Variants in DOCK6 observed in about 807,000 individuals in gnomAD.
DOCK6 encodes dedicator of cytokinesis protein 6.
Under a neutral mutation model 230.3 loss-of-function variants are expected in DOCK6, and 167 were observed. The ratio of observed to expected loss-of-function variants is 0.73; its 90% CI spans 0.64 to 0.82. The LOEUF is 0.82. DOCK6 is among the 40% of genes least tolerant of loss of function. The probability of loss-of-function intolerance (pLI) is 0.00; values close to 1 mark genes in which losing one functional copy is unlikely to be tolerated. For synonymous variants in DOCK6, 1,148 were observed against 1,185.0 expected, an observed-to-expected ratio of 0.97 and a Z score of 0.64; for missense variants, 2,598 against 2,825.8, an observed-to-expected ratio of 0.92 and a Z score of 1.83.
chr19:11,252,132 C>A lies in DOCK6; in HGVS notation c.494G>T (p.Gly165Val). Residue 165 changes from glycine to valine, a missense_variant, in exon 5 of 48, where the codon GGC becomes GTC. Coordinates refer to ENST00000294618, the MANE Select transcript of DOCK6 (RefSeq NM_020812.4). Reference sequence around the variant, plus strand: ...GGGCTTCCTCACCGAGTCCTCAGGGCCGGACCTCTCGTCTCCAGAAGCATC... The same window carrying A: ...GGGCTTCCTCACCGAGTCCTCAGGGACGGACCTCTCGTCTCCAGAAGCATC... ...EQDASGDERSGPEDSNDSRRG... is the reference protein window; with the variant it reads ...EQDASGDERSVPEDSNDSRRG... 9 of 1,589,390 alleles carry A rather than the reference C, an allele frequency of 5.7e-6. No homozygotes were observed. The highest frequency in any genetic ancestry group is 7.7e-6 in the Non-Finnish European group (9 of 1,168,526).
At chr19:11,251,257 TTC>T (rs2080114063) in intron 5 of DOCK6, 171 bp from the exon 6 acceptor site, 3 of 654,524 alleles carry the variant, frequency 4.6e-6, no homozygotes, top group Non-Finnish European at 7.7e-6. Flanking sequence ...TTCCAGAAAC[TTC>T]TGTCTGGAGA....
chr19:11,253,070 G>GCCATGGAGGGTGTTGGAGTTA (rs2080144658), intron 2 of DOCK6, 112 bp from the exon 3 acceptor site: 1 of 1,067,626 alleles, frequency 9.4e-7, no homozygotes, highest in Non-Finnish European at 1.3e-6. Flanking sequence ...GGCGGTGGGA[G>GCCATGGAGGGTGTTGGAGTTA]CCATGGAGGG....
Position 11,208,965 on chromosome 19 carries a change from G to T in DOCK6, c.4890C>A (p.Tyr1630Ter). Residue 1630 changes from tyrosine (Y) to a stop codon, truncating the protein, a stop_gained, in exon 38 of 48, where the codon TAC (tyrosine) becomes TAA (stop). Coordinates refer to ENST00000294618, the MANE Select transcript of DOCK6 (RefSeq NM_020812.4). LOFTEE classifies it high-confidence loss of function. ...GGCGGTGGTCCTCGAGCAGGGCGAG[G>T]TACTCAGCCACGAGGGCGGCCGCGT... ...MVHAAALVAE[Y>*]LALLEDHRHL... 2 of 1,605,962 alleles carry T rather than the reference G, an allele frequency of 1.2e-6. No individual in the cohort carries two copies. Among genetic ancestry groups the T allele is most frequent in the Non-Finnish European group, 1.7e-6 (2 of 1,174,754 alleles).
Position 11,201,562 on chromosome 19 carries a change from G to A in DOCK6, c.5688+327C>T, listed in dbSNP as rs35248735. ...CCATATCTTCTCAGCCCAGTTCTGG[G>A]GTACCTGGGCCTCTTCCTGGGCCAC... On this transcript the variant is annotated intron_variant, in intron 44 of 47. Transcript: ENST00000294618. This position sits in a 1 kb window ranked among gnomAD's most constrained non-coding sequence, Gnocchi z 4.3. Among the ~76,000 whole-genome samples the A allele has an allele frequency of 0.42, 63,844 of 151,302 alleles. 13,530 individuals are homozygous for A. The highest frequency in any genetic ancestry group is 0.49 in the South Asian group (2,329 of 4,788).
chr19:11,224,466 C>T (rs2079633172), intron 24 of DOCK6, among the ~76,000 whole-genome samples: 1 of 152,016 alleles, frequency 6.6e-6, no homozygotes, highest in African/African-American at 2.4e-5. Flanking sequence ...CCTCCTCGGC[C>T]TCCTAAAGTG....
rs1568234081 is a variant in DOCK6 at position 11,222,179 on chromosome 19, GGAAT to G, written c.3306_3309del (p.Phe1103GlyfsTer6). ...AGCCCAGCTAGGAAGTGCTGCTGCC[GGAAT>G]GGTCCACTCAGTTCGAACATGCTGG... On this transcript the variant is annotated frameshift_variant, in exon 27 of 48. Coordinates refer to ENST00000294618, the MANE Select transcript of DOCK6 (RefSeq NM_020812.4). LOFTEE classifies it high-confidence loss of function. This position sits in a 1 kb window ranked among gnomAD's most constrained non-coding sequence, Gnocchi z 4.0. 5 of 1,609,286 alleles carry G rather than the reference GGAAT, an allele frequency of 3.1e-6. No individual in the cohort carries two copies. The highest frequency in any genetic ancestry group is 4.2e-6 in the Non-Finnish European group (5 of 1,178,002).
intron 24 of DOCK6, 138 bp from the exon 25 acceptor site, chr19:11,223,244 T>C: frequency 1.3e-6 from 1 of 751,824 alleles, no homozygotes; most frequent in Non-Finnish European, 2.1e-6. Flanking sequence ...GTGGTGACTC[T>C]GGGACTTCCT....
In DOCK6 at chr19:11,202,505, G is replaced by A. The variant is rs771712591; in HGVS notation, c.5362-22C>T. On this transcript the variant is annotated intron_variant, in intron 42 of 47. Transcript: ENST00000294618. This position sits in a 1 kb window ranked among gnomAD's most constrained non-coding sequence, Gnocchi z 5.3. ...ACTCCTGGAGACACAGGGCTGACTC[G>A]GGGCCACCCAGGGACAGCCCCTACT... 3 of 1,611,386 alleles carry A rather than the reference G, an allele frequency of 1.9e-6. No homozygotes were observed. Among genetic ancestry groups the A allele is most frequent in the East Asian group, 2.2e-5 (1 of 44,720 alleles).
chr19:11,248,181 G>A (rs780393724), intron 6 of DOCK6, 30 bp from the exon 7 acceptor site: 16 of 1,506,380 alleles, frequency 1.1e-5, no homozygotes, highest in East Asian at 2.3e-5. Context: ...GGAGCTGGGC[G>A]GGAGGAGCTG....
rs374225403 is a variant in DOCK6 at position 11,214,269 on chromosome 19, G to A, written c.4338+6C>T. 3.1e-5 allele frequency: 50 copies of A among 1,604,808 alleles called. No homozygotes were observed. In the African/African-American group the frequency reaches 6.4e-4, roughly 21 times the overall value. ...CTAAGAATCATGGTTGTTGAGTGGT[G>A]CTCACCTTGGACACAAGGGCCCTCT... On this transcript the variant is annotated splice_donor_region_variant and intron_variant, in intron 34 of 47. Coordinates refer to ENST00000294618, the MANE Select transcript of DOCK6 (RefSeq NM_020812.4).
At position 11,212,096 on chromosome 19, in the gene DOCK6, G is replaced by A. The variant is rs181639639; in HGVS notation, c.4547C>T (p.Thr1516Met). 217 of 1,612,236 alleles carry A rather than the reference G, an allele frequency of 1.3e-4. 1 individual carries two copies. The East Asian group carries it at 2.3e-3, about 17-fold the overall frequency. ...GTGCTCTTCACTGAAGTTCTGCGTCGTCCCCACCAGGGACGAGAGAGACAT... is the reference window on the plus strand; with the variant it reads ...GTGCTCTTCACTGAAGTTCTGCGTCATCCCCACCAGGGACGAGAGAGACAT... ...VTMSLSSLVGTTQNFSEEHLR... is the reference protein window; with the variant it reads ...VTMSLSSLVGMTQNFSEEHLR... The change falls in exon 36 of 48, where the codon ACG (threonine) becomes ATG (methionine). Residue 1516 changes from threonine to methionine, a missense_variant. Physicochemically the swap from Thr to Met is moderately conservative, Grantham distance 81. Transcript: ENST00000294618.
At chr19:11,262,280 C>T (rs944099091) in intron 1 of DOCK6, 117 bp downstream of exon 1, 1 of 674,964 alleles carries the variant, frequency 1.5e-6, no homozygotes, top group South Asian at 6.7e-5. Context: ...CTGGCGGGAC[C>T]CGGGCCGAGG....
chr19:11,255,830 A>T (rs1163165219), intron 1 of DOCK6, among the ~76,000 whole-genome samples: 3 of 152,094 alleles, frequency 2.0e-5, no homozygotes, highest in East Asian at 3.9e-4. Context: ...TCTGTTGCCC[A>T]CGCTGGAGTG....
intron 22 of DOCK6, among the ~76,000 whole-genome samples, chr19:11,231,457 C>T (rs541093617): frequency 6.0e-4 from 91 of 152,224 alleles, no homozygotes; most frequent in Admixed American, 1.6e-3. Context: ...TTGTTTGATC[C>T]GTGTCTATTT....
intron 1 of DOCK6, among the ~76,000 whole-genome samples, chr19:11,260,885 A>AAAAAAAAAAAAAGAAAG (rs1555698780): frequency 2.4e-5 from 3 of 127,254 alleles, no homozygotes; most frequent in Non-Finnish European, 3.2e-5. Flanking sequence ...TCTGTCTCAA[A>AAAAAAAAAAAAAGAAAG]AAAAAAAAAA....
In DOCK6 at chr19:11,221,850, C is replaced by T; in HGVS notation, c.3550+1G>A. ...ACCCCATCTTCCCCTGGCCCACTGA[C>T]CAGCAAAGTCATGCAGCCGTGGCAA... On this transcript the variant is annotated splice_donor_variant, in intron 28 of 47. Transcript: ENST00000294618. LOFTEE classifies it high-confidence loss of function. 1 of 1,613,720 alleles carries T rather than the reference C, an allele frequency of 6.2e-7. No homozygotes were observed. Among genetic ancestry groups the T allele is most frequent in the Non-Finnish European group, 8.5e-7 (1 of 1,179,902 alleles).
chr19:11,239,624 T>G, intron 14 of DOCK6: 1 of 1,613,664 alleles, frequency 6.2e-7, no homozygotes, highest in Non-Finnish European at 8.5e-7. Flanking sequence ...TGGCTATACC[T>G]TAGACCCTCA....
chr19:11,255,210 G>T lies in DOCK6; in HGVS notation c.45-1484C>A, dbSNP rs143197777. ...AGCAGAGACGGGGTTTCACAATGTT[G>T]GCCAGGCTGGTCTCAAACTCCTGAC... is the stretch of plus-strand genomic sequence containing the variant. On this transcript the variant is annotated intron_variant, in intron 1 of 47. Transcript: ENST00000294618. Among the ~76,000 whole-genome samples the T allele has an allele frequency of 9.1e-3, 1,390 of 152,124 alleles. 26 individuals are homozygous for T. The highest frequency in any genetic ancestry group is 0.031 in the African/African-American group (1,295 of 41,492).
intron 24 of DOCK6, among the ~76,000 whole-genome samples, chr19:11,226,681 A>C (rs2079670113): frequency 6.6e-6 from 1 of 152,182 alleles, no homozygotes; most frequent in Non-Finnish European, 1.5e-5. Flanking sequence ...ACAACAAAAA[A>C]ATGATACGAT....
Sources: allele counts gnomAD v4.1 joint callset (sites outside exome capture counted in the v4.1 genomes callset), GRCh38; gene constraint gnomAD v4.1.1; non-coding constraint Gnocchi (gnomAD v3.1); transcripts MANE v1.5; gene names NCBI Gene and HGNC (gene_info 2026-07-23, HGNC 2026-07-21).